Variants in SEC16A observed in about 807,000 individuals in gnomAD.
SEC16A encodes protein transport protein Sec16A.
SEC16A carries 110 observed loss-of-function variants against 221.9 expected under a neutral mutation model. The ratio of observed to expected loss-of-function variants is 0.50; its 90% CI spans 0.42 to 0.58. SEC16A has a LOEUF of 0.58. Ranked by LOEUF, SEC16A falls within the 20% of genes least tolerant of loss-of-function variation. The pLI is 0.00. For missense variants in SEC16A, 3,165 were observed against 3,097.8 expected, an observed-to-expected ratio of 1.02 and a Z score of -0.52; for synonymous variants, 1,393 against 1,257.7, an observed-to-expected ratio of 1.11 and a Z score of -2.28.
Position 136,477,192 on chromosome 9 carries a change from C to A in SEC16A, c.424G>T (p.Ala142Ser). ...APPGPEMNRS[A>S]EVGPSSEPEV... ...GGCTCTGAACTGGGACCGACCTCTG[C>A]ACTCCTGTTCATCTCAGGCCCAGGA... is the stretch of plus-strand genomic sequence containing the variant. The change falls in exon 3 of 32, where the codon GCA becomes TCA. Residue 142 changes from alanine to serine, a missense_variant. Transcript: ENST00000684901. The A allele has an allele frequency of 6.2e-7, 1 of 1,613,888 alleles. No individual in the cohort carries two copies. The highest frequency in any genetic ancestry group is 8.5e-7 in the Non-Finnish European group (1 of 1,179,880).
rs753550575 is a variant in SEC16A at position 136,441,705 on chromosome 9, G to C, written c.*50C>G. 1 of 1,567,952 alleles carries C rather than the reference G, an allele frequency of 6.4e-7. No homozygotes were observed. Among genetic ancestry groups the C allele is most frequent in the African/African-American group, 1.3e-5 (1 of 74,122 alleles). Reference sequence around the variant, plus strand: ...CGCGGAGGTCGGTCGGGTTCTTCGGGGAGAACAGCAGCGTCAGGGCTCCAA... The same window carrying C: ...CGCGGAGGTCGGTCGGGTTCTTCGGCGAGAACAGCAGCGTCAGGGCTCCAA... On this transcript the variant is annotated 3_prime_UTR_variant, in exon 32 of 32. Transcript: ENST00000684901.
At chr9:136,456,376 C>T (rs530349054) in intron 18 of SEC16A, among the ~76,000 whole-genome samples, 1 of 152,198 alleles carries the variant, frequency 6.6e-6, no homozygotes, top group African/African-American at 2.4e-5. Context: ...TCTTGGCCCA[C>T]GGGCACTGGG....
intron 3 of SEC16A, among the ~76,000 whole-genome samples, chr9:136,472,890 CGGAGGGAGGTGGCTCGCA>C (rs1841070277): frequency 6.6e-6 from 1 of 152,250 alleles, no homozygotes; most frequent in Admixed American, 6.5e-5. Flanking sequence ...TGCACTCCTG[CGGAGGGAGGTGGCTCGCA>C]GCAGGAGGAC....
chr9:136,446,017 T>C (rs549508562), intron 28 of SEC16A, among the ~76,000 whole-genome samples: 37 of 151,788 alleles, frequency 2.4e-4, no homozygotes, highest in African/African-American at 8.2e-4. Flanking sequence ...GACAGGTGAG[T>C]GACTGCCCCA....
chr9:136,466,821 A>T lies in SEC16A; in HGVS notation c.3929+136T>A, dbSNP rs1300862071. 2.6e-6 allele frequency: 3 copies of T among 1,132,340 alleles called. No homozygotes were observed. Among genetic ancestry groups the T allele is most frequent in the Non-Finnish European group, 3.7e-6 (3 of 816,302 alleles). The allele number at this position is 1,132,340 out of a possible 1,614,324, so 70.1% of individuals were successfully genotyped here. A position where few individuals can be genotyped will look rare whatever the true frequency, so the allele number is the denominator to read the frequency against. Reference sequence around the variant, plus strand: ...GGGTCTGCTCCCTCCTTCCTTTCAGACAGGGACCAAAACATCAGGCAGATG... The same window carrying T: ...GGGTCTGCTCCCTCCTTCCTTTCAGTCAGGGACCAAAACATCAGGCAGATG... On this transcript the variant is annotated intron_variant, in intron 6 of 31. Coordinates refer to ENST00000684901, the MANE Select transcript of SEC16A (RefSeq NM_014866.2). This position sits in a 1 kb window ranked among gnomAD's most constrained non-coding sequence, Gnocchi z 5.5.
chr9:136,459,103 T>C lies in SEC16A; in HGVS notation c.5409+31A>G. 2 of 1,517,348 alleles carry C rather than the reference T, an allele frequency of 1.3e-6. No individual in the cohort carries two copies. Among genetic ancestry groups the C allele is most frequent in the Non-Finnish European group, 9.1e-7 (1 of 1,102,292 alleles). 94.0% of individuals were successfully genotyped at this position (1,517,348 alleles called of 1,614,324 possible). ...TTAGCACTGAGTGCCTGCCCAGCCA[T>C]GACAGCTGCAGGCTGGCAGCACCTG... On this transcript the variant is annotated intron_variant, in intron 17 of 31. Transcript: ENST00000684901. This position sits in a 1 kb window ranked among gnomAD's most constrained non-coding sequence, Gnocchi z 6.1.
Position 136,476,841 on chromosome 9 carries a change from C to T in SEC16A, c.775G>A (p.Gly259Ser), listed in dbSNP as rs754139871. 1 of 1,612,656 alleles carries T rather than the reference C, an allele frequency of 6.2e-7. No individual in the cohort carries two copies. The highest frequency in any genetic ancestry group is 1.1e-5 in the South Asian group (1 of 91,026). ...HFPTPSILHQ[G>S]PGHEQHSPLV... ...GGGCTGTGTTGCTCATGACCAGGGC[C>T]CTGATGTAGGATGGACGGGGTGGGG... is the stretch of plus-strand genomic sequence containing the variant. The change falls in exon 3 of 32, where the codon GGC becomes AGC. Residue 259 changes from glycine (G) to serine (S), a missense_variant. This residue lies in a region of SEC16A where 2,030 missense variants were observed against 1,923.1 expected (regional missense o/e 1.06). Coordinates refer to ENST00000684901, the MANE Select transcript of SEC16A (RefSeq NM_014866.2).
Position 136,466,255 on chromosome 9 carries a change from G to A in SEC16A, c.4128+9C>T, listed in dbSNP as rs117236228. ...ACCGTCCGCGTGTCTGTGAGGCGCC[G>A]CCGCGTACCTGGTGCGAGTGGGAGC... On this transcript the variant is annotated intron_variant, in intron 7 of 31. Transcript: ENST00000684901. The surrounding 1 kb of genome is among the most constrained non-coding windows in gnomAD (Gnocchi z 5.5). 499 of 1,583,576 alleles carry A rather than the reference G, an allele frequency of 3.2e-4. 1 individual carries two copies. In the East Asian group the frequency reaches 8.9e-3, roughly 28 times the overall value.
At chr9:136,457,423 G>A (rs760412080) in intron 18 of SEC16A, 21 bp downstream of exon 18, 1 of 1,588,722 alleles carries the variant, frequency 6.3e-7, no homozygotes, top group Admixed American at 1.7e-5. Context: ...GCATCCCGAG[G>A]ACAGGCGCCA....
Position 136,476,438 on chromosome 9 carries a change from C to A in SEC16A, c.1178G>T (p.Gly393Val). Residue 393 changes from glycine to valine, a missense_variant, in exon 3 of 32, where the codon GGC becomes GTC. Gly to Val is a moderately radical substitution (Grantham distance 109). Coordinates refer to ENST00000684901, the MANE Select transcript of SEC16A (RefSeq NM_014866.2). ...GTCAAAGTCCGCTTGACCAGATAAG[C>A]CTGCTTTTTCAGATGAGAGATTCTC... ...NEENLSSEKA[G>V]LSGQADFDDF... 1 of 1,613,082 alleles carries A rather than the reference C, an allele frequency of 6.2e-7. No homozygotes were observed. The highest frequency in any genetic ancestry group is 8.5e-7 in the Non-Finnish European group (1 of 1,179,822).
chr9:136,472,243 A>G lies in SEC16A; in HGVS notation c.3568-132T>C. 12 of 1,023,730 alleles carry G rather than the reference A, an allele frequency of 1.2e-5. No homozygotes were observed. In the South Asian group the frequency reaches 1.6e-4, roughly 14 times the overall value. The allele number at this position is 1,023,730 out of a possible 1,614,324, so 63.4% of individuals were successfully genotyped here. ...CTACCAAGAGCAAGCTCGTCCAACAACCAGCCTGAGCTAGAAACATCGCAG... is the reference window on the plus strand; with the variant it reads ...CTACCAAGAGCAAGCTCGTCCAACAGCCAGCCTGAGCTAGAAACATCGCAG... On this transcript the variant is annotated intron_variant, in intron 3 of 31. Coordinates refer to ENST00000684901, the MANE Select transcript of SEC16A (RefSeq NM_014866.2).
chr9:136,475,919 A>G lies in SEC16A; in HGVS notation c.1697T>C (p.Ile566Thr), dbSNP rs1325634187. The G allele has an allele frequency of 1.2e-6, 2 of 1,612,984 alleles. No individual in the cohort carries two copies. Among genetic ancestry groups the G allele is most frequent in the Non-Finnish European group, 1.7e-6 (2 of 1,179,610 alleles). The stretch of plus-strand genomic sequence containing the variant: ...TTCACCTCCTACGGGAGAAGAATCG[A>G]TTTGCTTAAAAAAACTACCTGAAGC... Reference protein sequence around the residue: ...DEASGSFFKQIDSSPVGGETD... With the variant: ...DEASGSFFKQTDSSPVGGETD... The change falls in exon 3 of 32, where the codon ATC becomes ACC. Residue 566 changes from isoleucine (I) to threonine (T), a missense_variant. This residue lies in a region of SEC16A where 2,030 missense variants were observed against 1,923.1 expected (regional missense o/e 1.06). Transcript: ENST00000684901. This position sits in a 1 kb window ranked among gnomAD's most constrained non-coding sequence, Gnocchi z 5.0.
chr9:136,475,340 T>C lies in SEC16A; in HGVS notation c.2276A>G (p.Gln759Arg). The change falls in exon 3 of 32, where the codon CAG becomes CGG. Residue 759 changes from glutamine (Q) to arginine (R), a missense_variant. Coordinates refer to ENST00000684901, the MANE Select transcript of SEC16A (RefSeq NM_014866.2). This position sits in a 1 kb window ranked among gnomAD's most constrained non-coding sequence, Gnocchi z 5.0. ...VCAKPQPPVVQPPEEAMSGQQ... is the reference protein window; with the variant it reads ...VCAKPQPPVVRPPEEAMSGQQ... The stretch of plus-strand genomic sequence containing the variant: ...CCCGGACATCGCCTCTTCTGGAGGC[T>C]GAACAACAGGTGGCTGAGGTTTTGC... 2 of 1,610,808 alleles carry C rather than the reference T, an allele frequency of 1.2e-6. No individual in the cohort carries two copies. The highest frequency in any genetic ancestry group is 1.7e-6 in the Non-Finnish European group (2 of 1,177,656).
chr9:136,471,015 A>G (rs967172255), intron 4 of SEC16A, among the ~76,000 whole-genome samples: 1 of 152,112 alleles, frequency 6.6e-6, no homozygotes, highest in Non-Finnish European at 1.5e-5. Flanking sequence ...ATGAAAATCA[A>G]CAACAGCCTC....
intron 4 of SEC16A, among the ~76,000 whole-genome samples, 195 bp from the exon 5 acceptor site, chr9:136,468,707 C>G (rs188692953): frequency 2.0e-5 from 3 of 152,348 alleles, no homozygotes; most frequent in Admixed American, 2.0e-4. Context: ...AATTCAAATT[C>G]ATCTTGGTAA....
At position 136,456,145 on chromosome 9, in the gene SEC16A, A is replaced by C; in HGVS notation, c.5572T>G (p.Phe1858Val). 6.2e-7 allele frequency: 1 copy of C among 1,612,272 alleles called. No individual in the cohort carries two copies. The highest frequency in any genetic ancestry group is 2.2e-5 in the East Asian group (1 of 44,884). ...GGCTTCTCTTTCAGCTGGGGATCGA[A>C]GAGTCGTAACTGGGAAGCCATCTAG... ...LVQMASQLRL[F>V]DPQLKEKPEE... The change falls in exon 19 of 32, where the codon TTC (phenylalanine) becomes GTC (valine). Residue 1858 changes from phenylalanine (F) to valine (V), a missense_variant. Around this residue, in one of 3 missense-constraint regions of SEC16A, gnomAD observed 1,088 missense variants for 1,089.6 expected, o/e 1.00. Transcript: ENST00000684901.
chr9:136,440,703 CG>C lies in SEC16A; in HGVS notation c.*1051del, dbSNP rs1274444073. The C allele has an allele frequency of 6.6e-6, 1 of 152,452 alleles. No homozygotes were observed. The highest frequency in any genetic ancestry group is 6.5e-5 in the Admixed American group (1 of 15,276). The allele number at this position is 152,452 out of a possible 1,614,324, so 9.4% of individuals were successfully genotyped here. On this transcript the variant is annotated 3_prime_UTR_variant, in exon 32 of 32. Transcript: ENST00000684901. ...CTCAAAGTCTCAGTGTGGCAAAACT[CG>C]GGGCAGAAATACTAAGTTCCAGAGC... is the stretch of plus-strand genomic sequence containing the variant.
intron 4 of SEC16A, among the ~76,000 whole-genome samples, chr9:136,470,086 G>A (rs1331866659): frequency 2.6e-5 from 4 of 152,262 alleles, no homozygotes; most frequent in Non-Finnish European, 5.9e-5. Flanking sequence ...CAGGCCCAGA[G>A]AGTTGAGTCC....
intron 28 of SEC16A, among the ~76,000 whole-genome samples, chr9:136,446,166 C>T (rs1043659747): frequency 1.4e-5 from 2 of 145,522 alleles, no homozygotes; most frequent in South Asian, 2.1e-4. Flanking sequence ...AGTGCAATGG[C>T]GCAATCTCAG....
Sources: allele counts gnomAD v4.1 joint callset (sites outside exome capture counted in the v4.1 genomes callset), GRCh38; gene constraint gnomAD v4.1.1; regional missense constraint gnomAD v4.1.1; non-coding constraint Gnocchi (gnomAD v3.1); transcripts MANE v1.5; gene names NCBI Gene and HGNC (gene_info 2026-07-23, HGNC 2026-07-21).